The following NDUFS4 variants were observed in gnomAD, a reference collection of about 807,000 sequenced individuals.
The protein encoded by NDUFS4 is NADH dehydrogenase [ubiquinone] iron-sulfur protein 4, mitochondrial.
Under a neutral mutation model 24.3 loss-of-function variants are expected in NDUFS4, and 28 were observed. The ratio of observed to expected loss-of-function variants is 1.15; its 90% CI spans 0.85 to 1.58. The LOEUF is 1.58. Ranked by LOEUF, NDUFS4 falls within the 40% of genes most tolerant of loss-of-function variation. The probability of loss-of-function intolerance (pLI) is 0.00; values close to 1 mark genes in which losing one functional copy is unlikely to be tolerated. For synonymous variants in NDUFS4, 93 were observed against 69.7 expected (o/e 1.34, Z -1.67); for missense variants, 223 against 207.9 (o/e 1.07, Z -0.45).
At chr5:53,642,878 A>G (rs930116235) in intron 2 of NDUFS4, among the ~76,000 whole-genome samples, 2 of 152,126 alleles carry the variant, frequency 1.3e-5, no homozygotes, top group African/African-American at 4.8e-5. Flanking sequence ...GAATTATGAC[A>G]TGCATCTTTC....
At chr5:53,563,899 A>T (rs181370722) in intron 1 of NDUFS4, among the ~76,000 whole-genome samples, 1 of 152,350 alleles carries the variant, frequency 6.6e-6, no homozygotes, top group East Asian at 1.9e-4. Context: ...GCCAGATGAA[A>T]TGGCACTCTA....
chr5:53,679,236 G>A (rs1156833114), intron 4 of NDUFS4, among the ~76,000 whole-genome samples: 1 of 150,884 alleles, frequency 6.6e-6, no homozygotes, highest in Non-Finnish European at 1.5e-5. Flanking sequence ...CAGAAAAACG[G>A]GAAGATAATA....
intron 2 of NDUFS4, among the ~76,000 whole-genome samples, chr5:53,617,053 C>A (rs774739537): frequency 5.3e-5 from 8 of 152,136 alleles, no homozygotes; most frequent in Non-Finnish European, 1.0e-4. Context: ...TGCCCTGCCC[C>A]CTTCTCCACC....
At chr5:53,632,510 G>C (rs1283548636) in intron 2 of NDUFS4, among the ~76,000 whole-genome samples, 2 of 151,982 alleles carry the variant, frequency 1.3e-5, no homozygotes, top group Non-Finnish European at 1.5e-5. Context: ...CTCCTTTTTT[G>C]CTTAACTCCT....
intron 1 of NDUFS4, among the ~76,000 whole-genome samples, chr5:53,574,372 G>A (rs1749318473): frequency 6.6e-6 from 1 of 152,156 alleles, no homozygotes; most frequent in Non-Finnish European, 1.5e-5. Flanking sequence ...GTGGTAGATT[G>A]ATTTTCAAAT....
At chr5:53,563,242 A>G (rs1002320402) in intron 1 of NDUFS4, among the ~76,000 whole-genome samples, 1 of 145,490 alleles carries the variant, frequency 6.9e-6, no homozygotes, top group Non-Finnish European at 1.5e-5. Context: ...AAAACAAAAA[A>G]AAAAAAAAAA....
chr5:53,603,691 A>G (rs1053288812), intron 2 of NDUFS4, among the ~76,000 whole-genome samples, 161 bp downstream of exon 2: 1 of 152,198 alleles, frequency 6.6e-6, no homozygotes, highest in East Asian at 1.9e-4. Context: ...ATCAAAAGAT[A>G]ATTTATATTA....
intron 4 of NDUFS4, among the ~76,000 whole-genome samples, chr5:53,681,438 A>C (rs1740660891): frequency 6.6e-6 from 1 of 152,148 alleles, no homozygotes. Context: ...TATGAAGTAC[A>C]AGACATGTAC....
chr5:53,591,491 A>G (rs1338544641), intron 1 of NDUFS4, among the ~76,000 whole-genome samples: 3 of 145,956 alleles, frequency 2.1e-5, no homozygotes, highest in African/African-American at 5.1e-5. Flanking sequence ...AACTATCGTA[A>G]TAAATATGAA....
intron 1 of NDUFS4, among the ~76,000 whole-genome samples, chr5:53,596,018 A>G (rs3103601): frequency 0.35 from 53,738 of 152,094 alleles, 10,422 homozygotes; most frequent in African/African-American, 0.52. Context: ...AAAAGAATTT[A>G]TGGTGTTCTA....
chr5:53,657,742 T>G (rs757817300), intron 3 of NDUFS4, among the ~76,000 whole-genome samples: 2 of 151,788 alleles, frequency 1.3e-5, no homozygotes, highest in African/African-American at 4.8e-5. Context: ...CTGGCCAACA[T>G]AGTGAAACCC....
intron 1 of NDUFS4, among the ~76,000 whole-genome samples, chr5:53,561,241 C>G (rs554194587): frequency 3.2e-4 from 48 of 152,138 alleles, no homozygotes; most frequent in Non-Finnish European, 6.3e-4. Flanking sequence ...ATTCATCAGT[C>G]TGCTTGGGAG....
intron 2 of NDUFS4, among the ~76,000 whole-genome samples, chr5:53,627,866 C>A (rs190878200): frequency 2.1e-4 from 32 of 152,152 alleles, no homozygotes; most frequent in African/African-American, 7.7e-4. Flanking sequence ...AATTGAATAC[C>A]CTTTATTTCT....
chr5:53,654,455 T>C (rs1203190141), intron 3 of NDUFS4, among the ~76,000 whole-genome samples: 1 of 152,122 alleles, frequency 6.6e-6, no homozygotes, highest in Non-Finnish European at 1.5e-5. Context: ...TGCTCAGCTA[T>C]TTGGCATTTC....
intron 4 of NDUFS4, among the ~76,000 whole-genome samples, chr5:53,662,131 GT>G (rs1325252699): frequency 6.6e-6 from 1 of 152,112 alleles, no homozygotes; most frequent in Non-Finnish European, 1.5e-5. Flanking sequence ...TTGGCTGTGG[GT>G]TTGTCATAGA....
chr5:53,641,222 G>A (rs1561380962), intron 2 of NDUFS4, among the ~76,000 whole-genome samples: 1 of 152,082 alleles, frequency 6.6e-6, no homozygotes, highest in Non-Finnish European at 1.5e-5. Context: ...CTATTAATTT[G>A]CCCAAAGTTG....
chr5:53,671,161 T>A (rs772495932), intron 4 of NDUFS4, among the ~76,000 whole-genome samples: 33 of 152,088 alleles, frequency 2.2e-4, no homozygotes, highest in Admixed American at 6.6e-4. Context: ...TTTTCAGTTG[T>A]TAACCAAATA....
At chr5:53,614,842 CAAG>C (rs745818428) in intron 2 of NDUFS4, among the ~76,000 whole-genome samples, 1 of 151,864 alleles carries the variant, frequency 6.6e-6, no homozygotes, top group Non-Finnish European at 1.5e-5. Context: ...CTTTGGCTCT[CAAG>C]AAAATAGAAT....
intron 1 of NDUFS4, 54 bp downstream of exon 1, chr5:53,560,814 G>A (rs1326521210): frequency 4.3e-6 from 7 of 1,611,328 alleles, no homozygotes; most frequent in African/African-American, 4.0e-5. Flanking sequence ...CCATTTTTGC[G>A]GAGTCTCTGC....
Sources: gnomAD v4.1 joint callset for allele counts (sites outside exome capture counted in the v4.1 genomes callset) on GRCh38, gnomAD v4.1.1 for gene constraint, MANE v1.5 for transcripts, NCBI Gene and HGNC (gene_info 2026-07-23, HGNC 2026-07-21) for gene names.